The following LAMC1 variants were observed in gnomAD, a reference collection of about 807,000 sequenced individuals.
LAMC1 encodes the protein laminin subunit gamma-1.
In LAMC1, 38 loss-of-function variants were observed where a neutral mutation model predicts 173.6. That is an observed-to-expected ratio of 0.22 (90% CI 0.17 to 0.29). The LOEUF is 0.29. Ranked by LOEUF, LAMC1 falls within the 10% of genes least tolerant of loss-of-function variation. The probability of loss-of-function intolerance (pLI) is 1.00; values close to 1 mark genes in which losing one functional copy is unlikely to be tolerated. For missense variants in LAMC1, 1,824 were observed against 2,051.8 expected (o/e 0.89, Z 2.14); for synonymous variants, 746 against 749.1 (o/e 1.00, Z 0.07).
intron 16 of LAMC1, among the ~76,000 whole-genome samples, chr1:183,126,730 A>G (rs1487588795): frequency 6.6e-6 from 1 of 152,232 alleles, no homozygotes; most frequent in African/African-American, 2.4e-5. Flanking sequence ...CTTGCCTGGA[A>G]TTGGGCCTCA....
intron 17 of LAMC1, 45 bp from the exon 18 acceptor site, chr1:183,128,549 A>G (rs753162350): frequency 2.6e-6 from 4 of 1,547,600 alleles, no homozygotes; most frequent in Admixed American, 1.7e-5. Context: ...CTTCAGGAAT[A>G]CTTGTGTGTC....
In LAMC1 at chr1:183,131,449, GTGTGTGTGTGTATT is replaced by G. The variant is rs1571462579; in HGVS notation, c.3566+72_3566+85del. 9.6e-6 allele frequency: 10 copies of G among 1,040,678 alleles called. 1 individual carries two copies. Among genetic ancestry groups the G allele is most frequent in the Admixed American group, 3.4e-5 (2 of 58,012 alleles). 64.5% of individuals were successfully genotyped at this position (1,040,678 alleles called of 1,614,324 possible). A position where few individuals can be genotyped will look rare whatever the true frequency, so the allele number is the denominator to read the frequency against. On this transcript the variant is annotated intron_variant, in intron 20 of 27. Coordinates refer to ENST00000258341, the MANE Select transcript of LAMC1 (RefSeq NM_002293.4). Reference sequence around the variant, plus strand: ...ATGGGGTGTGTGTGTGTGTGTGTGTGTGTGTGTGTGTATTGTCTTATCCCATAACCCATAAACAC... The same window carrying G: ...ATGGGGTGTGTGTGTGTGTGTGTGTGGTCTTATCCCATAACCCATAAACAC...
Position 183,029,683 on chromosome 1 carries a change from C to T in LAMC1, c.418+5549C>T, listed in dbSNP as rs192710172. On this transcript the variant is annotated intron_variant, in intron 1 of 27. Coordinates refer to ENST00000258341, the MANE Select transcript of LAMC1 (RefSeq NM_002293.4). The stretch of plus-strand genomic sequence containing the variant: ...TGGCTTGGATTAAGTCTCCCACTGA[C>T]GCCACCCTGTAGGTATTTATCACAG... Among the ~76,000 whole-genome samples the T allele has an allele frequency of 3.9e-5, 6 of 152,236 alleles. No individual in the cohort carries two copies. In the East Asian group the frequency reaches 7.7e-4, roughly 20 times the overall value.
chr1:183,053,279 TGC>T (rs1654483839), intron 1 of LAMC1, among the ~76,000 whole-genome samples: 1 of 152,242 alleles, frequency 6.6e-6, no homozygotes, highest in South Asian at 2.1e-4. Flanking sequence ...TATTTTGTAT[TGC>T]CACCTAGTCA....
At chr1:183,104,071 G>A (rs560980986) in intron 2 of LAMC1, among the ~76,000 whole-genome samples, 3 of 152,244 alleles carry the variant, frequency 2.0e-5, no homozygotes, top group African/African-American at 4.8e-5. Context: ...GGGAACCGTT[G>A]AAGCAAGATA....
intron 1 of LAMC1, among the ~76,000 whole-genome samples, chr1:183,069,973 ATAATTT>A (rs1654973262): frequency 6.6e-6 from 1 of 152,210 alleles, no homozygotes; most frequent in Non-Finnish European, 1.5e-5. Flanking sequence ...GCCCGGTTGA[ATAATTT>A]TAAGTAGTTT....
intron 1 of LAMC1, among the ~76,000 whole-genome samples, chr1:183,088,124 T>G (rs1367019651): frequency 1.3e-5 from 2 of 152,228 alleles, no homozygotes; most frequent in Non-Finnish European, 2.9e-5. Context: ...TTTTCTTTGA[T>G]CTTATTAAAG....
At chr1:183,140,215 C>A in intron 26 of LAMC1, among the ~76,000 whole-genome samples, 189 bp from the exon 27 acceptor site, 2 of 108,784 alleles carry the variant, frequency 1.8e-5, no homozygotes. Flanking sequence ...ATACCAACAT[C>A]CTCAATATGA....
intron 10 of LAMC1, 34 bp downstream of exon 10, chr1:183,117,757 C>CG: frequency 1.9e-6 from 3 of 1,562,146 alleles, no homozygotes; most frequent in Non-Finnish European, 2.6e-6. Flanking sequence ...TGAGACTTGA[C>CG]GAACATTGTG....
At chr1:183,090,980 A>G (rs1655552036) in intron 1 of LAMC1, among the ~76,000 whole-genome samples, 1 of 152,192 alleles carries the variant, frequency 6.6e-6, no homozygotes, top group African/African-American at 2.4e-5. Context: ...CAAAATCTCC[A>G]TCCCCTCCCC....
At position 183,103,419 on chromosome 1, in the gene LAMC1, G is replaced by T; in HGVS notation, c.510G>T (p.Gly170=). ...FAIYKRTRED[G]PWIPYQYYSG... ...TTTACAAGCGCACACGGGAAGACGG[G>T]CCCTGGATTCCTTACCAGTACTACA... The change falls in exon 2 of 28, where the codon GGG becomes GGT. Residue 170 remains glycine, a synonymous_variant. Coordinates refer to ENST00000258341, the MANE Select transcript of LAMC1 (RefSeq NM_002293.4). The T allele has an allele frequency of 6.2e-7, 1 of 1,614,178 alleles. No homozygotes were observed. The highest frequency in any genetic ancestry group is 2.2e-5 in the East Asian group (1 of 44,882).
chr1:183,096,989 G>T (rs1655710291), intron 1 of LAMC1, among the ~76,000 whole-genome samples: 1 of 152,134 alleles, frequency 6.6e-6, no homozygotes, highest in South Asian at 2.1e-4. Context: ...TTGTTCTGTA[G>T]TGCTTCCGAT....
At chr1:183,081,491 T>G (rs1480353468) in intron 1 of LAMC1, among the ~76,000 whole-genome samples, 1 of 151,294 alleles carries the variant, frequency 6.6e-6, no homozygotes, top group Non-Finnish European at 1.5e-5. Flanking sequence ...CCAGCTACAG[T>G]GAGGTGAGAT....
At chr1:183,058,667 T>C (rs1029427364) in intron 1 of LAMC1, among the ~76,000 whole-genome samples, 1 of 152,252 alleles carries the variant, frequency 6.6e-6, no homozygotes, top group African/African-American at 2.4e-5. Flanking sequence ...TGTTTCTTGT[T>C]ACCCAAATTA....
At chr1:183,066,240 A>C (rs1654870130) in intron 1 of LAMC1, among the ~76,000 whole-genome samples, 1 of 152,244 alleles carries the variant, frequency 6.6e-6, no homozygotes, top group Non-Finnish European at 1.5e-5. Flanking sequence ...CAACTAAAAG[A>C]GACAATTGAC....
chr1:183,131,225 T>A, intron 19 of LAMC1, 74 bp from the exon 20 acceptor site: 1 of 1,094,148 alleles, frequency 9.1e-7, no homozygotes, highest in East Asian at 2.6e-5. Flanking sequence ...TAACAAAAAT[T>A]TAGTTTTGAC....
At chr1:183,135,579 A>T (rs1213370377) in intron 24 of LAMC1, among the ~76,000 whole-genome samples, 1 of 152,020 alleles carries the variant, frequency 6.6e-6, no homozygotes, top group Non-Finnish European at 1.5e-5. Context: ...GCTTTACAGG[A>T]TGCTTTACAG....
intron 2 of LAMC1, among the ~76,000 whole-genome samples, chr1:183,107,869 A>T (rs1384952616): frequency 2.6e-5 from 4 of 152,056 alleles, no homozygotes; most frequent in Non-Finnish European, 5.9e-5. Flanking sequence ...GGCAATGACC[A>T]GCATCTCTGA....
At chr1:183,100,073 G>A (rs1383672249) in intron 1 of LAMC1, among the ~76,000 whole-genome samples, 1 of 152,186 alleles carries the variant, frequency 6.6e-6, no homozygotes, top group Non-Finnish European at 1.5e-5. Flanking sequence ...GGTACTAACA[G>A]CGACAAGTTG....
Sources: gnomAD v4.1 joint callset for allele counts (sites outside exome capture counted in the v4.1 genomes callset) on GRCh38, gnomAD v4.1.1 for gene constraint, MANE v1.5 for transcripts, NCBI Gene and HGNC (gene_info 2026-07-23, HGNC 2026-07-21) for gene names.